SPON1: variants seen among roughly 807,000 people sequenced by gnomAD.
SPON1 encodes the protein spondin-1.
SPON1 carries 52 observed loss-of-function variants against 111.7 expected under a neutral mutation model. That is an observed-to-expected ratio of 0.47 (90% CI 0.37 to 0.59). SPON1 has a LOEUF of 0.59. Among genes scored for constraint, SPON1 ranks in the 20% least tolerant of loss-of-function variants. The pLI is 0.00. For missense variants in SPON1, 957 were observed against 1,068.5 expected, an observed-to-expected ratio of 0.90 and a Z score of 1.46; for synonymous variants, 410 against 395.8, an observed-to-expected ratio of 1.04 and a Z score of -0.43.
intron 7 of SPON1, among the ~76,000 whole-genome samples, chr11:14,245,126 C>T (rs1161121377): frequency 5.3e-5 from 8 of 152,074 alleles, no homozygotes; most frequent in East Asian, 1.9e-4. Flanking sequence ...GGAGAAAAGG[C>T]GAAATCCACA....
In SPON1 at chr11:14,254,218, C is replaced by A. The variant is rs993610746; in HGVS notation, c.891-310C>A. On this transcript the variant is annotated intron_variant, in intron 7 of 15. Coordinates refer to ENST00000576479, the MANE Select transcript of SPON1 (RefSeq NM_006108.4). ...ATCACTTGAGCCCAGAAGTTTGAGG[C>A]AACAGTGAGCCATGATCACACCACT... 3.3e-5 allele frequency among the ~76,000 whole-genome samples: 5 copies of A among 152,268 alleles called. No individual in the cohort carries two copies. The South Asian group carries it at 1.0e-3, about 32-fold the overall frequency.
chr11:14,217,582 T>C (rs1848638452), intron 6 of SPON1, among the ~76,000 whole-genome samples: 1 of 152,178 alleles, frequency 6.6e-6, no homozygotes, highest in Non-Finnish European at 1.5e-5. Context: ...TTGTAGCTTC[T>C]GTATTAAAAA....
At chr11:14,178,175 C>G (rs1554933308) in intron 6 of SPON1, among the ~76,000 whole-genome samples, 1 of 151,120 alleles carries the variant, frequency 6.6e-6, no homozygotes, top group Non-Finnish European at 1.5e-5. Flanking sequence ...AAGTCACAAA[C>G]ACTTTGGGAG....
intron 6 of SPON1, among the ~76,000 whole-genome samples, chr11:14,166,120 A>G (rs1848026809): frequency 6.6e-6 from 1 of 152,152 alleles, no homozygotes; most frequent in Non-Finnish European, 1.5e-5. Context: ...TCCCCAATGG[A>G]CTTTAATTGG....
intron 2 of SPON1, among the ~76,000 whole-genome samples, chr11:14,029,022 C>T (rs1848539566): frequency 6.6e-6 from 1 of 152,098 alleles, no homozygotes; most frequent in Non-Finnish European, 1.5e-5. Flanking sequence ...ACCACTTTCC[C>T]GAAGTCTGTC....
chr11:14,265,779 C>G lies in SPON1; in HGVS notation c.*92C>G. ...TGTTTAAGACAATTTAAATTGTGTA[C>G]GCTAGTTTTCATTTTTGCAGTGTGG... On this transcript the variant is annotated 3_prime_UTR_variant, in exon 16 of 16. Coordinates refer to ENST00000576479, the MANE Select transcript of SPON1 (RefSeq NM_006108.4). 7.1e-7 allele frequency: 1 copy of G among 1,400,260 alleles called. No homozygotes were observed. Among genetic ancestry groups the G allele is most frequent in the East Asian group, 2.4e-5 (1 of 40,828 alleles). The allele number at this position is 1,400,260 out of a possible 1,614,324, so 86.7% of individuals were successfully genotyped here. A position where few individuals can be genotyped will look rare whatever the true frequency, so the allele number is the denominator to read the frequency against.
At chr11:14,264,494 TTTTC>T (rs1554942241) in intron 15 of SPON1, among the ~76,000 whole-genome samples, 35 of 152,110 alleles carry the variant, frequency 2.3e-4, no homozygotes, top group Admixed American at 3.9e-4. Flanking sequence ...GTACATCAAG[TTTTC>T]TGATTTTTAA....
intron 2 of SPON1, among the ~76,000 whole-genome samples, chr11:13,996,165 GT>G (rs111458719): frequency 1.7e-3 from 254 of 146,384 alleles, no homozygotes; most frequent in African/African-American, 4.5e-3. Flanking sequence ...CCTAGTAAAA[GT>G]TTTTTTTTTT....
intron 5 of SPON1, among the ~76,000 whole-genome samples, chr11:14,128,195 C>T (rs1847483750): frequency 6.6e-6 from 1 of 152,186 alleles, no homozygotes; most frequent in Non-Finnish European, 1.5e-5. Flanking sequence ...CCAGCACTAA[C>T]TCAAAAGTCC....
At chr11:14,035,614 CTTTTTTT>C (rs57790720) in intron 2 of SPON1, among the ~76,000 whole-genome samples, 2 of 132,286 alleles carry the variant, frequency 1.5e-5, no homozygotes, top group African/African-American at 5.9e-5. Flanking sequence ...ACACTTAGTT[CTTTTTTT>C]TTTTTTTTTT....
chr11:14,124,210 A>T (rs1554926814), intron 5 of SPON1, among the ~76,000 whole-genome samples: 1 of 152,114 alleles, frequency 6.6e-6, no homozygotes, highest in African/African-American at 2.4e-5. Context: ...ACACGCACAC[A>T]CTACCATGAC....
chr11:14,027,138 C>T (rs952688270), intron 2 of SPON1, among the ~76,000 whole-genome samples: 4 of 152,126 alleles, frequency 2.6e-5, no homozygotes, highest in South Asian at 2.1e-4. Flanking sequence ...GAGGCACTGG[C>T]GTTGTAAGAA....
intron 2 of SPON1, 75 bp from the exon 3 acceptor site, chr11:14,041,446 A>C (rs1035084719): frequency 1.3e-6 from 2 of 1,538,026 alleles, no homozygotes; most frequent in African/African-American, 1.4e-5. Context: ...AAAGTTAAGG[A>C]AGTACCAACT....
intron 6 of SPON1, among the ~76,000 whole-genome samples, chr11:14,205,758 C>T (rs1490159519): frequency 1.3e-5 from 2 of 152,132 alleles, no homozygotes; most frequent in African/African-American, 4.8e-5. Context: ...GTTTCTAGGA[C>T]ACCTCCAATG....
chr11:13,986,134 G>C (rs1848180670), intron 2 of SPON1, among the ~76,000 whole-genome samples: 1 of 152,204 alleles, frequency 6.6e-6, no homozygotes, highest in Non-Finnish European at 1.5e-5. Context: ...AACAGAGATA[G>C]TCCTCATGAA....
At chr11:14,004,924 G>GC (rs1317200473) in intron 2 of SPON1, among the ~76,000 whole-genome samples, 3 of 151,854 alleles carry the variant, frequency 2.0e-5, no homozygotes, top group Non-Finnish European at 2.9e-5. Flanking sequence ...CTCCTGCCTG[G>GC]GTCTCCTGAG....
chr11:14,255,913 G>T lies in SPON1; in HGVS notation c.1233+126G>T, dbSNP rs1849102167. ...AGCACCTCAGGATATGGAATTCCTG[G>T]GCCTCCCCAGGTTTCTAACATGCAA... On this transcript the variant is annotated intron_variant, in intron 9 of 15. Coordinates refer to ENST00000576479, the MANE Select transcript of SPON1 (RefSeq NM_006108.4). 4 of 994,610 alleles carry T rather than the reference G, an allele frequency of 4.0e-6. No homozygotes were observed. The South Asian group carries it at 7.6e-5, about 19-fold the overall frequency. 61.6% of individuals were successfully genotyped at this position (994,610 alleles called of 1,614,324 possible).
At chr11:14,166,092 C>T (rs1298871119) in intron 6 of SPON1, among the ~76,000 whole-genome samples, 1 of 145,028 alleles carries the variant, frequency 6.9e-6, no homozygotes, top group East Asian at 2.0e-4. Context: ...TCTGTGTACA[C>T]AAGGTATGAG....
intron 5 of SPON1, among the ~76,000 whole-genome samples, chr11:14,105,665 C>A (rs1239573038): frequency 6.7e-6 from 1 of 150,056 alleles, no homozygotes; most frequent in Non-Finnish European, 1.5e-5. Context: ...GTCATTTATT[C>A]CCCTTTACTC....
Sources: allele counts gnomAD v4.1 joint callset (sites outside exome capture counted in the v4.1 genomes callset), GRCh38; gene constraint gnomAD v4.1.1; transcripts MANE v1.5; gene names NCBI Gene and HGNC (gene_info 2026-07-23, HGNC 2026-07-21).